NUP54: variants seen among roughly 807,000 people sequenced by gnomAD.
NUP54 encodes the protein nucleoporin p54.
NUP54 carries 27 observed loss-of-function variants against 66.4 expected under a neutral mutation model. The observed-to-expected ratio is 0.41, with a 90% CI of 0.30 to 0.56. The LOEUF is 0.56. Ranked by LOEUF, NUP54 falls within the 20% of genes least tolerant of loss-of-function variation. The probability of loss-of-function intolerance (pLI) is 0.34; values close to 1 mark genes in which losing one functional copy is unlikely to be tolerated. For synonymous variants in NUP54, 206 were observed against 210.7 expected (o/e 0.98, Z 0.19); for missense variants, 486 against 596.3 (o/e 0.82, Z 1.93).
chr4:76,129,115 T>C (rs1228963677), intron 8 of NUP54, among the ~76,000 whole-genome samples: 2 of 152,198 alleles, frequency 1.3e-5, no homozygotes, highest in Non-Finnish European at 2.9e-5. Flanking sequence ...ATGTATGGGG[T>C]AATGGATATG....
intron 3 of NUP54, among the ~76,000 whole-genome samples, chr4:76,140,242 G>A (rs1320753813): frequency 6.6e-6 from 1 of 151,680 alleles, no homozygotes; most frequent in Non-Finnish European, 1.5e-5. Flanking sequence ...TTTGGTGGAG[G>A]GAAGTTGAAG....
intron 8 of NUP54, among the ~76,000 whole-genome samples, chr4:76,125,740 AGGGAGAGAGG>A (rs1309488455): frequency 2.0e-4 from 2 of 9,814 alleles, no homozygotes; most frequent in Non-Finnish European, 3.0e-4. Flanking sequence ...GAGGGAGAAG[AGGGAGAGAGG>A]GGGAGAGGGG....
chr4:76,117,801 C>T, intron 10 of NUP54, 27 bp from the exon 11 acceptor site: 2 of 1,522,822 alleles, frequency 1.3e-6, no homozygotes, highest in South Asian at 2.3e-5. Context: ...AGTCAAATTA[C>T]AACTGCCGAC....
At chr4:76,129,596 G>A (rs1335421869) in intron 8 of NUP54, among the ~76,000 whole-genome samples, 2 of 152,182 alleles carry the variant, frequency 1.3e-5, no homozygotes, top group African/African-American at 4.8e-5. Flanking sequence ...CGGGCGCAGT[G>A]GCTCACGCCT....
At chr4:76,148,044 G>A (rs1731586627) in intron 1 of NUP54, 3 of 413,436 alleles carry the variant, frequency 7.3e-6, no homozygotes, top group Non-Finnish European at 1.3e-5. Context: ...GGACTCCCCG[G>A]CAGCGGGAAG....
chr4:76,130,829 C>A, intron 7 of NUP54, 80 bp from the exon 8 acceptor site: 1 of 898,598 alleles, frequency 1.1e-6, no homozygotes. Context: ...TAGTAACACT[C>A]ATGTAATTTT....
intron 8 of NUP54, among the ~76,000 whole-genome samples, chr4:76,129,397 G>GT (rs745647711): frequency 1.3e-5 from 2 of 152,250 alleles, no homozygotes; most frequent in East Asian, 1.9e-4. Flanking sequence ...ACACAAATCC[G>GT]TAAGTGTTGC....
chr4:76,145,092 G>A (rs1461394380), intron 1 of NUP54, among the ~76,000 whole-genome samples: 1 of 151,974 alleles, frequency 6.6e-6, no homozygotes, highest in African/African-American at 2.4e-5. Flanking sequence ...GCCGAGGGGG[G>A]TGGATCACAA....
At chr4:76,122,384 A>T (rs185513645) in intron 9 of NUP54, among the ~76,000 whole-genome samples, 37 of 152,262 alleles carry the variant, frequency 2.4e-4, no homozygotes, top group Middle Eastern at 3.4e-3. Flanking sequence ...AAGATACAGA[A>T]TATTTCCATC....
intron 9 of NUP54, among the ~76,000 whole-genome samples, chr4:76,119,015 AC>A (rs957350550): frequency 2.2e-4 from 34 of 152,054 alleles, no homozygotes; most frequent in Admixed American, 3.3e-4. Context: ...CAAAAAACAG[AC>A]AAACAAAAAC....
At chr4:76,129,984 T>G (rs1730728809) in intron 8 of NUP54, among the ~76,000 whole-genome samples, 1 of 96,110 alleles carries the variant, frequency 1.0e-5, no homozygotes, top group Non-Finnish European at 2.2e-5. Flanking sequence ...TTTTTTTTTT[T>G]TTTTTTTTTT....
Position 76,124,665 on chromosome 4 carries a change from G to T in NUP54, c.1148C>A (p.Ser383Tyr). 1 of 1,553,660 alleles carries T rather than the reference G, an allele frequency of 6.4e-7. No homozygotes were observed. Among genetic ancestry groups the T allele is most frequent in the Non-Finnish European group, 8.8e-7 (1 of 1,136,680 alleles). ...AQYKRKLMDLSHRTLQVLIKQ... is the reference protein window; with the variant it reads ...AQYKRKLMDLYHRTLQVLIKQ... ...AATTACTACCTGTAAAGTTCTATGG[G>T]AAAGATCCATGAGTTTCCTCTTGTA... is the stretch of plus-strand genomic sequence containing the variant. Residue 383 changes from serine (S) to tyrosine (Y), a missense_variant, in exon 9 of 12, where the codon TCC (serine) becomes TAC (tyrosine). Transcript: ENST00000264883.
intron 3 of NUP54, among the ~76,000 whole-genome samples, chr4:76,140,516 G>C (rs1351701120): frequency 6.6e-6 from 1 of 152,006 alleles, no homozygotes; most frequent in Non-Finnish European, 1.5e-5. Flanking sequence ...GACCTCAGGT[G>C]ATCCGCCCAC....
At chr4:76,117,634 TTAAA>T (rs1222891017) in intron 11 of NUP54, 26 bp downstream of exon 11, 4 of 1,395,658 alleles carry the variant, frequency 2.9e-6, no homozygotes, top group Non-Finnish European at 4.1e-6. Flanking sequence ...AGCTCACACT[TTAAA>T]TAATGCAGCC....
chr4:76,130,193 G>T (rs1313740559), intron 8 of NUP54, among the ~76,000 whole-genome samples: 1 of 151,598 alleles, frequency 6.6e-6, no homozygotes, highest in East Asian at 1.9e-4. Flanking sequence ...AGTCGGCCAG[G>T]CTTGTCTTGA....
At chr4:76,115,932 C>A (rs528297424) in intron 11 of NUP54, among the ~76,000 whole-genome samples, 51 of 152,184 alleles carry the variant, frequency 3.4e-4, no homozygotes, top group African/African-American at 9.9e-4. Context: ...TTTTAAGACT[C>A]CTCCTCATGG....
Position 76,148,094 on chromosome 4 carries a change from G to C in NUP54, c.67+214C>G, listed in dbSNP as rs139934292. ...CAGGGCCCTGTGGAAACTCACGCGCGGCAAGCGAGCTTCTAGTGGGACCCC... is the reference window on the plus strand; with the variant it reads ...CAGGGCCCTGTGGAAACTCACGCGCCGCAAGCGAGCTTCTAGTGGGACCCC... On this transcript the variant is annotated intron_variant, in intron 1 of 11. Coordinates refer to ENST00000264883, the MANE Select transcript of NUP54 (RefSeq NM_017426.4). The C allele has an allele frequency of 9.4e-4, 396 of 420,992 alleles. 6 individuals carry two copies. In the East Asian group the frequency reaches 0.014, roughly 15 times the overall value. 26.1% of individuals were successfully genotyped at this position (420,992 alleles called of 1,614,324 possible).
intron 3 of NUP54, among the ~76,000 whole-genome samples, chr4:76,140,398 G>C (rs1731219118): frequency 6.7e-6 from 1 of 148,354 alleles, no homozygotes; most frequent in Admixed American, 6.9e-5. Context: ...CAATTCTCAT[G>C]TCTCAGCCTC....
chr4:76,134,612 C>T (rs1345950767), intron 4 of NUP54, among the ~76,000 whole-genome samples: 5 of 152,012 alleles, frequency 3.3e-5, no homozygotes, highest in East Asian at 1.9e-4. Flanking sequence ...AGTAACTAAA[C>T]AGCTTTCTCC....
Sources: gnomAD v4.1 joint callset for allele counts (sites outside exome capture counted in the v4.1 genomes callset) on GRCh38, gnomAD v4.1.1 for gene constraint, MANE v1.5 for transcripts, NCBI Gene and HGNC (gene_info 2026-07-23, HGNC 2026-07-21) for gene names.